Variants in OSBPL10 observed in about 807,000 individuals in gnomAD.
The protein encoded by OSBPL10 is oxysterol binding protein like 10, also known as oxysterol-binding protein-related protein 10.
A neutral mutation model predicts 81.7 loss-of-function variants in OSBPL10; 49 were observed. The ratio of observed to expected loss-of-function variants is 0.60; its 90% CI spans 0.48 to 0.76. OSBPL10 has a LOEUF of 0.76. Among genes scored for constraint, OSBPL10 ranks in the 30% least tolerant of loss-of-function variants. The probability of loss-of-function intolerance (pLI) is 0.00; values close to 1 mark genes in which losing one functional copy is unlikely to be tolerated. For synonymous variants in OSBPL10, 419 were observed against 383.6 expected (o/e 1.09, Z -1.08); for missense variants, 923 against 987.8 (o/e 0.93, Z 0.88).
chr3:31,987,325 C>T (rs1339032447), intron 2 of OSBPL10, among the ~76,000 whole-genome samples: 1 of 152,218 alleles, frequency 6.6e-6, no homozygotes, highest in Non-Finnish European at 1.5e-5. Context: ...GAGTATTCCA[C>T]TGTCTATATG....
At chr3:31,754,872 T>C (rs144459193) in intron 4 of OSBPL10, among the ~76,000 whole-genome samples, 13 of 152,342 alleles carry the variant, frequency 8.5e-5, no homozygotes, top group African/African-American at 1.2e-4. Context: ...ATATGACTGA[T>C]GATTTTCAAC....
At chr3:31,678,771 ACAGATT>A (rs1700553309) in intron 8 of OSBPL10, among the ~76,000 whole-genome samples, 1 of 140,538 alleles carries the variant, frequency 7.1e-6, no homozygotes, top group Admixed American at 7.1e-5. Context: ...CTGACTAATC[ACAGATT>A]CAAACTGTGT....
At chr3:31,895,322 G>A (rs1375127711) in intron 1 of OSBPL10, among the ~76,000 whole-genome samples, 3 of 151,020 alleles carry the variant, frequency 2.0e-5, no homozygotes, top group African/African-American at 7.3e-5. Flanking sequence ...ATTTTTAGTA[G>A]AGATGGGGGT....
At chr3:31,974,676 C>T (rs1698647008) in intron 1 of OSBPL10, among the ~76,000 whole-genome samples, 2 of 152,100 alleles carry the variant, frequency 1.3e-5, no homozygotes, top group Non-Finnish European at 2.9e-5. Context: ...CAAAAGGAGA[C>T]CAAACAACTC....
rs546978778 is a variant in OSBPL10 at position 31,783,070 on chromosome 3, A to G, written c.730-34950T>C. Among the ~76,000 whole-genome samples the G allele has an allele frequency of 8.7e-5, 13 of 149,530 alleles. No homozygotes were observed. In the South Asian group the frequency reaches 2.7e-3, roughly 31 times the overall value. ...CATCAATTAAGGAGTGGATGAAGAA[A>G]ATGTGATATCTATATGGATATATCT... On this transcript the variant is annotated intron_variant, in intron 4 of 11. Transcript: ENST00000396556.
intron 11 of OSBPL10, chr3:31,662,931 G>A (rs1191688904): frequency 1.0e-6 from 1 of 985,312 alleles, no homozygotes; most frequent in African/African-American, 1.7e-5. Flanking sequence ...CCCACTCAGT[G>A]ACCCATAAAG....
rs759017084 is a variant in OSBPL10 at position 31,852,458 on chromosome 3, C to A, written c.538-22227G>T. ...GGGAAAACCCTGGGATGAGGTGATG[C>A]ACGTGAAAGAAACCTATGAACGACA... is the stretch of plus-strand genomic sequence containing the variant. On this transcript the variant is annotated intron_variant, in intron 3 of 11. Transcript: ENST00000396556. Among the ~76,000 whole-genome samples the A allele has an allele frequency of 2.0e-5, 3 of 152,158 alleles. No individual in the cohort carries two copies. The South Asian group carries it at 6.2e-4, about 32-fold the overall frequency.
intron 2 of OSBPL10, chr3:31,989,589 G>C (rs1210884283): frequency 6.2e-7 from 1 of 1,614,172 alleles, no homozygotes; most frequent in African/African-American, 1.3e-5. Flanking sequence ...ACATATTTCA[G>C]ACCAAAGGGA....
At chr3:31,765,197 GTTTTGT>G (rs1698157941) in intron 4 of OSBPL10, among the ~76,000 whole-genome samples, 2 of 151,042 alleles carry the variant, frequency 1.3e-5, no homozygotes, top group Admixed American at 1.3e-4. Flanking sequence ...TTTGTGTTTT[GTTTTGT>G]TTTTGTTTTT....
chr3:31,737,938 G>T (rs4452361), intron 5 of OSBPL10, among the ~76,000 whole-genome samples: 48,824 of 150,868 alleles, frequency 0.32, 9,588 homozygotes, highest in East Asian at 0.69. Flanking sequence ...GTTGCAGTGA[G>T]CCGAGATCAT....
At chr3:31,815,153 CA>C (rs1474903441) in intron 4 of OSBPL10, among the ~76,000 whole-genome samples, 2 of 21,552 alleles carry the variant, frequency 9.3e-5, no homozygotes, top group Non-Finnish European at 2.6e-4. Flanking sequence ...GATGCCCTGC[CA>C]GCCCCTGGCT....
intron 4 of OSBPL10, among the ~76,000 whole-genome samples, chr3:31,812,438 C>T (rs1699704730): frequency 6.6e-6 from 1 of 152,130 alleles, no homozygotes; most frequent in Non-Finnish European, 1.5e-5. Context: ...AAATTATCTC[C>T]ATCAATATAT....
intron 1 of OSBPL10, among the ~76,000 whole-genome samples, chr3:32,070,292 G>A (rs1425102948): frequency 6.6e-6 from 1 of 152,070 alleles, no homozygotes; most frequent in South Asian, 2.1e-4. Context: ...ACCCCACTCT[G>A]GTGCCAGCTT....
At chr3:31,749,763 T>A (rs1013928707) in intron 4 of OSBPL10, among the ~76,000 whole-genome samples, 8 of 151,922 alleles carry the variant, frequency 5.3e-5, no homozygotes, top group African/African-American at 1.9e-4. Context: ...TGCAGTGAGC[T>A]GAGATGGCAC....
At chr3:31,781,877 C>T (rs1431674755) in intron 4 of OSBPL10, among the ~76,000 whole-genome samples, 1 of 152,134 alleles carries the variant, frequency 6.6e-6, no homozygotes, top group Non-Finnish European at 1.5e-5. Flanking sequence ...AATGACCATA[C>T]TGCCAAAAGC....
chr3:32,073,905 T>A (rs1156973851), intron 1 of OSBPL10, among the ~76,000 whole-genome samples: 1 of 152,180 alleles, frequency 6.6e-6, no homozygotes, highest in Non-Finnish European at 1.5e-5. Context: ...TCCGCCCTGA[T>A]GAAGTTCTAT....
In OSBPL10 at chr3:31,832,352, T is replaced by A. The variant is rs77100280; in HGVS notation, c.538-2121A>T. On this transcript the variant is annotated intron_variant, in intron 3 of 11. Transcript: ENST00000396556. ...CTTTTTATATTCTTTCACTTTGAAC[T>A]ATACGTATGTATTCCCTATTGAAAA... Among the ~76,000 whole-genome samples the A allele has an allele frequency of 6.1e-3, 924 of 152,304 alleles. 11 individuals carry two copies. Among genetic ancestry groups the A allele is most frequent in the African/African-American group, 0.02 (844 of 41,556 alleles).
intron 1 of OSBPL10, among the ~76,000 whole-genome samples, chr3:31,937,438 A>C (rs548953224): frequency 1.3e-5 from 2 of 152,252 alleles, no homozygotes; most frequent in South Asian, 4.2e-4. Flanking sequence ...CAAGGCAGAA[A>C]TTTGGACAGC....
At chr3:31,995,161 C>T (rs2125526199) in intron 2 of OSBPL10, among the ~76,000 whole-genome samples, 1 of 152,322 alleles carries the variant, frequency 6.6e-6, no homozygotes, top group South Asian at 2.1e-4. Flanking sequence ...TCTTGATAAA[C>T]ATCTTAACAG....
Sources: allele counts gnomAD v4.1 joint callset (sites outside exome capture counted in the v4.1 genomes callset), GRCh38; gene constraint gnomAD v4.1.1; transcripts MANE v1.5; gene names NCBI Gene and HGNC (gene_info 2026-07-23, HGNC 2026-07-21).